Variants in ARK2C observed in about 807,000 individuals in gnomAD.
ARK2C encodes E3 ubiquitin-protein ligase ARK2C.
the ARK2C span, among the ~76,000 whole-genome samples, chr18:46,395,963 G>A: frequency 4.6e-5 from 7 of 152,352 alleles, no homozygotes; most frequent in South Asian, 1.5e-3. Flanking sequence ...GCTGCTCTTG[G>A]CTGGGCTCTG....
the ARK2C span, among the ~76,000 whole-genome samples, chr18:46,396,284 T>A: frequency 6.6e-6 from 1 of 152,000 alleles, no homozygotes; most frequent in Admixed American, 6.5e-5. Flanking sequence ...GAGGAGGGAA[T>A]GGAGGCCATT....
At chr18:46,350,951 C>T in the ARK2C span, among the ~76,000 whole-genome samples, 10 of 152,324 alleles carry the variant, frequency 6.6e-5, no homozygotes, top group Admixed American at 5.9e-4. Context: ...TGCTGAGTCC[C>T]TCTGCCCCTG....
At chr18:46,406,710 T>C in the ARK2C span, among the ~76,000 whole-genome samples, 1 of 152,206 alleles carries the variant, frequency 6.6e-6, no homozygotes, top group African/African-American at 2.4e-5. Context: ...AGTGTACAGG[T>C]TGGGCACAGG....
the ARK2C span, chr18:46,459,484 C>T: frequency 6.6e-6 from 1 of 152,320 alleles, no homozygotes; most frequent in Non-Finnish European, 1.5e-5. Context: ...CTGGGTGAGA[C>T]AGTGGGCCCT....
At chr18:46,391,160 G>A in the ARK2C span, among the ~76,000 whole-genome samples, 1 of 152,156 alleles carries the variant, frequency 6.6e-6, no homozygotes, top group African/African-American at 2.4e-5. Context: ...TCGCCACTTC[G>A]CAATTCATCA....
chr18:46,388,866 TA>T, the ARK2C span, among the ~76,000 whole-genome samples: 1 of 151,860 alleles, frequency 6.6e-6, no homozygotes, highest in Non-Finnish European at 1.5e-5. Context: ...TAGGGGCAGT[TA>T]AAAACAGACC....
At chr18:46,460,456 A>C in the ARK2C span, 4 of 152,492 alleles carry the variant, frequency 2.6e-5, no homozygotes, top group African/African-American at 9.6e-5. Context: ...TATATTTAAC[A>C]ATCATAATTT....
At chr18:46,356,610 C>T in the ARK2C span, among the ~76,000 whole-genome samples, 1 of 152,042 alleles carries the variant, frequency 6.6e-6, no homozygotes, top group South Asian at 2.1e-4. Flanking sequence ...TCACTCTGAA[C>T]ACACAGAAGG....
the ARK2C span, chr18:46,336,003 A>G: frequency 2.0e-6 from 2 of 985,306 alleles, no homozygotes; most frequent in Non-Finnish European, 2.4e-6. Flanking sequence ...AGGCATTGCT[A>G]TTTAAGCGGC....
chr18:46,373,286 T>A, the ARK2C span, among the ~76,000 whole-genome samples: 27 of 152,242 alleles, frequency 1.8e-4, no homozygotes, highest in African/African-American at 5.5e-4. Context: ...AGTGTAACAC[T>A]GCACATTTCC....
At chr18:46,424,876 G>T in the ARK2C span, among the ~76,000 whole-genome samples, 1 of 152,206 alleles carries the variant, frequency 6.6e-6, no homozygotes, top group Non-Finnish European at 1.5e-5. Flanking sequence ...TTCCTCACTG[G>T]CCTCTGTGGG....
the ARK2C span, among the ~76,000 whole-genome samples, chr18:46,403,149 G>T: frequency 6.6e-6 from 1 of 152,176 alleles, no homozygotes; most frequent in Admixed American, 6.5e-5. Context: ...ATTTCACCTT[G>T]TTGGTTCGTC....
At chr18:46,438,041 T>C in the ARK2C span, among the ~76,000 whole-genome samples, 1 of 152,246 alleles carries the variant, frequency 6.6e-6, no homozygotes. Context: ...ACTTAGGGTC[T>C]GTACAGCAAC....
chr18:46,341,440 T>TG, the ARK2C span, among the ~76,000 whole-genome samples: 2 of 151,676 alleles, frequency 1.3e-5, no homozygotes, highest in Non-Finnish European at 2.9e-5. Flanking sequence ...AGGAGGTCTT[T>TG]GGGGTGCTTT....
the ARK2C span, among the ~76,000 whole-genome samples, chr18:46,429,781 T>C: frequency 6.6e-6 from 1 of 152,298 alleles, no homozygotes; most frequent in East Asian, 1.9e-4. Flanking sequence ...TTTTTTTCCT[T>C]TCTTTTATTG....
the ARK2C span, chr18:46,461,847 C>T: frequency 4.6e-5 from 7 of 152,144 alleles, no homozygotes; most frequent in South Asian, 2.1e-4. Context: ...ACGTATAGGA[C>T]GTGCCCTTTC....
the ARK2C span, among the ~76,000 whole-genome samples, chr18:46,435,124 T>G: frequency 1.3e-5 from 2 of 152,046 alleles, no homozygotes; most frequent in Non-Finnish European, 2.9e-5. Context: ...GAAGCTTCCT[T>G]GGAGTTTGTC....
chr18:46,350,833 C>G, the ARK2C span, among the ~76,000 whole-genome samples: 2 of 152,366 alleles, frequency 1.3e-5, no homozygotes, highest in African/African-American at 4.8e-5. Flanking sequence ...AATATTATAT[C>G]TCTGACATAG....
At chr18:46,396,765 C>T in the ARK2C span, among the ~76,000 whole-genome samples, 6 of 152,260 alleles carry the variant, frequency 3.9e-5, no homozygotes, top group South Asian at 1.2e-3. Flanking sequence ...ATGGTGCTGG[C>T]CATGTGCACC....
Sources: allele counts gnomAD v4.1 joint callset (sites outside exome capture counted in the v4.1 genomes callset), GRCh38; gene constraint gnomAD v4.1.1; transcripts MANE v1.5; gene names NCBI Gene and HGNC (gene_info 2026-07-23, HGNC 2026-07-21).